ZNF354C: variants seen among roughly 807,000 people sequenced by gnomAD.
The protein encoded by ZNF354C is zinc finger protein 354C.
In ZNF354C, 7 loss-of-function variants were observed where a neutral mutation model predicts 12.4. The ratio of observed to expected loss-of-function variants is 0.56; its 90% CI spans 0.32 to 1.06. The LOEUF is 1.06. Ranked by LOEUF, ZNF354C falls within the 50% of genes least tolerant of loss-of-function variation. The pLI is 0.04. For synonymous variants in ZNF354C, 202 were observed against 224.5 expected (o/e 0.90, Z 0.90); for missense variants, 609 against 658.0 (o/e 0.93, Z 0.81).
Position 179,077,074 on chromosome 5 carries a change from T to C in ZNF354C, c.158T>C (p.Ile53Thr). 6.2e-7 allele frequency: 1 copy of C among 1,614,102 alleles called. No homozygotes were observed. The highest frequency in any genetic ancestry group is 8.5e-7 in the Non-Finnish European group (1 of 1,179,970). The change falls in exon 4 of 5, where the codon ATT (isoleucine) becomes ACT (threonine). Residue 53 changes from isoleucine (I) to threonine (T), a missense_variant. Ile to Thr is a moderately conservative substitution (Grantham distance 89). Coordinates refer to ENST00000315475, the MANE Select transcript of ZNF354C (RefSeq NM_014594.3). Reference protein sequence around the residue: ...ENYSSLVSLGIPFSMPKLIHQ... With the variant: ...ENYSSLVSLGTPFSMPKLIHQ... ...TCATTTGCTTCCTCATGAGCAGGGA[T>C]TCCATTTTCAATGCCAAAGTTGATT...
chr5:179,079,143 T>C lies in ZNF354C; in HGVS notation c.711T>C (p.Ile237=). The part of the protein sequence containing the change: ...QNLHLIEHQR[I]HTGEKPYKCN... ...TGCATCTTATTGAACATCAGAGAAT[T>C]CATACAGGTGAGAAACCCTACAAAT... Residue 237 remains isoleucine (I), a synonymous_variant, in exon 5 of 5, where the codon ATT becomes ATC. Transcript: ENST00000315475. This position sits in a 1 kb window ranked among gnomAD's most constrained non-coding sequence, Gnocchi z 4.2. The C allele has an allele frequency of 6.8e-6, 11 of 1,613,838 alleles. No individual in the cohort carries two copies. Among genetic ancestry groups the C allele is most frequent in the Non-Finnish European group, 9.3e-6 (11 of 1,180,008 alleles).
chr5:179,082,930 CT>C lies in ZNF354C; in HGVS notation c.*2834del. 1.1e-6 allele frequency: 1 copy of C among 912,520 alleles called. No individual in the cohort carries two copies. Among genetic ancestry groups the C allele is most frequent in the Non-Finnish European group, 1.8e-6 (1 of 547,992 alleles). 56.5% of individuals were successfully genotyped at this position (912,520 alleles called of 1,614,324 possible). A position where few individuals can be genotyped will look rare whatever the true frequency, so the allele number is the denominator to read the frequency against. On this transcript the variant is annotated 3_prime_UTR_variant, in exon 5 of 5. Transcript: ENST00000315475. ...ATCACGGAGAACTCCACCTCATCTC[CT>C]GCCTGGAGCTCAAGGCCATCCTCAA...
In ZNF354C at chr5:179,081,991, T is replaced by C. The variant is rs1224455168; in HGVS notation, c.*1894T>C. 2.0e-5 allele frequency: 3 copies of C among 152,062 alleles called. No individual in the cohort carries two copies. The highest frequency in any genetic ancestry group is 2.9e-5 in the Non-Finnish European group (2 of 68,010). The allele number at this position is 152,062 out of a possible 1,614,324, so 9.4% of individuals were successfully genotyped here. A position where few individuals can be genotyped will look rare whatever the true frequency, so the allele number is the denominator to read the frequency against. ...GAAAAGAAGTTCATAATGATGAAAG[T>C]AGAGAAAAAAGAAAACTCTATACAA... On this transcript the variant is annotated 3_prime_UTR_variant, in exon 5 of 5. Transcript: ENST00000315475.
Position 179,079,044 on chromosome 5 carries a change from G to T in ZNF354C, c.612G>T (p.Met204Ile). ...GKDFKQNFDL[M>I]KCFQIYPGGK... The stretch of plus-strand genomic sequence containing the variant: ...ATTTTAAACAGAATTTTGATCTCAT[G>T]AAATGCTTCCAGATTTACCCAGGAG... Residue 204 changes from methionine (M) to isoleucine (I), a missense_variant, in exon 5 of 5, where the codon ATG becomes ATT. By Grantham distance (10) the Met-to-Ile change is conservative. Transcript: ENST00000315475. This position sits in a 1 kb window ranked among gnomAD's most constrained non-coding sequence, Gnocchi z 4.2. 1 of 1,613,258 alleles carries T rather than the reference G, an allele frequency of 6.2e-7. No individual in the cohort carries two copies. Among genetic ancestry groups the T allele is most frequent in the East Asian group, 2.2e-5 (1 of 44,862 alleles).
rs375609811 is a variant in ZNF354C, at chr5:179,079,616, G to A, written c.1184G>A (p.Arg395His). ...TTGGAATGTGGGAGAACCTTCACACGTATTGTAACCCTTATCGAACATCAG... is the reference window on the plus strand; with the variant it reads ...TTGGAATGTGGGAGAACCTTCACACATATTGTAACCCTTATCGAACATCAG... Reference protein sequence around the residue: ...TCLECGRTFTRIVTLIEHQRI... With the variant: ...TCLECGRTFTHIVTLIEHQRI... The change falls in exon 5 of 5, where the codon CGT (arginine) becomes CAT (histidine). Residue 395 changes from arginine (R) to histidine (H), a missense_variant. By Grantham distance (29) the Arg-to-His change is conservative. Coordinates refer to ENST00000315475, the MANE Select transcript of ZNF354C (RefSeq NM_014594.3). This position sits in a 1 kb window ranked among gnomAD's most constrained non-coding sequence, Gnocchi z 4.2. 7.8e-5 allele frequency: 126 copies of A among 1,614,006 alleles called. No individual in the cohort carries two copies. The highest frequency in any genetic ancestry group is 1.5e-4 in the Admixed American group (9 of 60,002).
At chr5:179,066,019 C>T (rs557858563) in intron 2 of ZNF354C, among the ~76,000 whole-genome samples, 2 of 152,294 alleles carry the variant, frequency 1.3e-5, no homozygotes, top group South Asian at 4.1e-4. Flanking sequence ...GCAAGACAGG[C>T]ACCACTCCTA....
In ZNF354C at chr5:179,061,995, G is replaced by C; in HGVS notation, c.-54-20G>C. 6.4e-7 allele frequency: 1 copy of C among 1,553,966 alleles called. No individual in the cohort carries two copies. Among genetic ancestry groups the C allele is most frequent in the Non-Finnish European group, 8.9e-7 (1 of 1,125,592 alleles). ...ATCTCCTGACGCCAGGGTTCCTCTT[G>C]ACACCTTTTTCCTCTGCAGACCCAC... On this transcript the variant is annotated intron_variant, in intron 1 of 4. Transcript: ENST00000315475.
intron 2 of ZNF354C, among the ~76,000 whole-genome samples, chr5:179,062,822 TTTC>T (rs1761912323): frequency 6.6e-6 from 1 of 152,216 alleles, no homozygotes; most frequent in Non-Finnish European, 1.5e-5. Flanking sequence ...CTCTGATTCT[TTTC>T]TTTTTTCTCT....
chr5:179,068,318 T>G (rs114332270), intron 2 of ZNF354C, among the ~76,000 whole-genome samples: 172 of 152,322 alleles, frequency 1.1e-3, no homozygotes, highest in African/African-American at 4.1e-3. Flanking sequence ...TAGGAGAGAA[T>G]CCCTAACATT....
At chr5:179,066,904 A>G (rs1459777389) in intron 2 of ZNF354C, among the ~76,000 whole-genome samples, 2 of 152,094 alleles carry the variant, frequency 1.3e-5, no homozygotes, top group African/African-American at 2.4e-5. Flanking sequence ...ATTTTGGAAA[A>G]TTCTCAGCCA....
intron 2 of ZNF354C, among the ~76,000 whole-genome samples, chr5:179,074,227 C>T (rs1237437305): frequency 3.8e-4 from 57 of 151,746 alleles, no homozygotes; most frequent in Admixed American, 1.3e-4. Context: ...GTGATCCGCC[C>T]GCGTCAGCCT....
chr5:179,065,076 A>AT (rs535933521), intron 2 of ZNF354C, among the ~76,000 whole-genome samples: 3 of 151,838 alleles, frequency 2.0e-5, no homozygotes, highest in Middle Eastern at 3.2e-3. Context: ...AATAATCTTT[A>AT]TTTTTTTTAC....
chr5:179,076,326 C>A, intron 2 of ZNF354C, 119 bp from the exon 3 acceptor site: 2 of 1,459,758 alleles, frequency 1.4e-6, no homozygotes, highest in South Asian at 1.3e-5. Context: ...ATTACGTAAA[C>A]AGTTGACGTG....
In ZNF354C at chr5:179,078,012, C is replaced by A. The variant is rs10071339; in HGVS notation, c.251-671C>A. Among the ~76,000 whole-genome samples, 103 of 151,664 alleles carry A rather than the reference C, an allele frequency of 6.8e-4. 1 individual carries two copies. Among genetic ancestry groups the A allele is most frequent in the African/African-American group, 2.3e-3 (95 of 41,284 alleles). ...GGTAGAGACGGGGTTTCACCATGTT[C>A]TCCAGGCTGGTCTCAAACTCCTGAG... is the stretch of plus-strand genomic sequence containing the variant. On this transcript the variant is annotated intron_variant, in intron 4 of 4. Coordinates refer to ENST00000315475, the MANE Select transcript of ZNF354C (RefSeq NM_014594.3).
chr5:179,069,891 G>GAT (rs1239263695), intron 2 of ZNF354C, among the ~76,000 whole-genome samples: 1 of 152,024 alleles, frequency 6.6e-6, no homozygotes, highest in Admixed American at 6.5e-5. Context: ...AAAAAAACCA[G>GAT]ATATTTACTT....
intron 2 of ZNF354C, among the ~76,000 whole-genome samples, chr5:179,073,606 T>C (rs950756684): frequency 6.6e-6 from 1 of 152,202 alleles, no homozygotes; most frequent in African/African-American, 2.4e-5. Flanking sequence ...GGTCTATTTT[T>C]TTGACTCTTG....
At chr5:179,075,139 G>T (rs1191572856) in intron 2 of ZNF354C, among the ~76,000 whole-genome samples, 1 of 151,850 alleles carries the variant, frequency 6.6e-6, no homozygotes, top group Non-Finnish European at 1.5e-5. Flanking sequence ...GGCGCCTGTA[G>T]TCCCAGCTAC....
Position 179,078,685 on chromosome 5 carries a change from T to G in ZNF354C, c.253T>G (p.Phe85Val). Residue 85 changes from phenylalanine (F) to valine (V), a missense_variant and splice_region_variant, in exon 5 of 5, where the codon TTC becomes GTC. Coordinates refer to ENST00000315475, the MANE Select transcript of ZNF354C (RefSeq NM_014594.3). ...TTAATTCTTCTGATTCATTTTAGGT[T>G]TCAAGACTTGGCTTGAAACAGAAGC... is the stretch of plus-strand genomic sequence containing the variant. ...REVPSDTRLG[F>V]KTWLETEALP... is the part of the protein sequence containing the mutation. 2 of 1,584,336 alleles carry G rather than the reference T, an allele frequency of 1.3e-6. No homozygotes were observed. The highest frequency in any genetic ancestry group is 1.7e-6 in the Non-Finnish European group (2 of 1,168,220).
Position 179,080,133 on chromosome 5 carries a change from G to C in ZNF354C, c.*36G>C. On this transcript the variant is annotated 3_prime_UTR_variant, in exon 5 of 5. Coordinates refer to ENST00000315475, the MANE Select transcript of ZNF354C (RefSeq NM_014594.3). ...AAATAATCCAAGACTTCTCACTGGG[G>C]AATAAGGGAATAATAAATAGGGTAC... 2.1e-6 allele frequency: 3 copies of C among 1,408,586 alleles called. No homozygotes were observed. Among genetic ancestry groups the C allele is most frequent in the Non-Finnish European group, 2.9e-6 (3 of 1,039,558 alleles). The allele number at this position is 1,408,586 out of a possible 1,614,324, so 87.3% of individuals were successfully genotyped here.
Sources: allele counts gnomAD v4.1 joint callset (sites outside exome capture counted in the v4.1 genomes callset), GRCh38; gene constraint gnomAD v4.1.1; non-coding constraint Gnocchi (gnomAD v3.1); transcripts MANE v1.5; gene names NCBI Gene and HGNC (gene_info 2026-07-23, HGNC 2026-07-21).